The following NAALADL2 variants were observed in gnomAD, a reference collection of about 807,000 sequenced individuals.
NAALADL2 encodes N-acetylated alpha-linked acidic dipeptidase like 2, also known as inactive N-acetylated-alpha-linked acidic dipeptidase-like protein 2.
NAALADL2 carries 76 observed loss-of-function variants against 87.2 expected under a neutral mutation model. The observed-to-expected ratio is 0.87, with a 90% CI of 0.72 to 1.05. NAALADL2 has a LOEUF of 1.05. Among genes scored for constraint, NAALADL2 ranks in the 50% least tolerant of loss-of-function variants. NAALADL2 has a pLI of 0.00. For missense variants in NAALADL2, 1,089 were observed against 945.8 expected, an observed-to-expected ratio of 1.15 and a Z score of -1.99; for synonymous variants, 354 against 331.0, an observed-to-expected ratio of 1.07 and a Z score of -0.75.
chr3:174,441,121 C>T (rs1249731613), intron 1 of NAALADL2: 1 of 152,300 alleles, frequency 6.6e-6, no homozygotes, highest in African/African-American at 2.4e-5. Flanking sequence ...GTCCGTGTCT[C>T]CTTGCTCCTC....
intron 2 of NAALADL2, among the ~76,000 whole-genome samples, chr3:175,108,792 A>G (rs1158338965): frequency 6.6e-6 from 1 of 151,926 alleles, no homozygotes; most frequent in Admixed American, 6.6e-5. Flanking sequence ...ATGCCTTGCT[A>G]TTTCATGTGG....
chr3:175,143,559 A>C (rs1421365840), intron 2 of NAALADL2, among the ~76,000 whole-genome samples: 1 of 151,568 alleles, frequency 6.6e-6, no homozygotes, highest in Non-Finnish European at 1.5e-5. Context: ...GCCAAAAAAA[A>C]AAAAAAAAAA....
intron 1 of NAALADL2, among the ~76,000 whole-genome samples, chr3:174,466,279 T>C (rs912923309): frequency 1.3e-5 from 2 of 151,636 alleles, no homozygotes; most frequent in African/African-American, 4.8e-5. Flanking sequence ...TGAGATTTTT[T>C]TTTTTTTTTT....
intron 4 of NAALADL2, among the ~76,000 whole-genome samples, chr3:175,303,212 CA>C (rs1017039944): frequency 1.4e-4 from 22 of 151,998 alleles, no homozygotes; most frequent in African/African-American, 5.3e-4. Flanking sequence ...TTTTTGGCCC[CA>C]GAAATCATTG....
At chr3:175,075,652 A>G (rs1580314287) in intron 1 of NAALADL2, among the ~76,000 whole-genome samples, 1 of 152,248 alleles carries the variant, frequency 6.6e-6, no homozygotes, top group Non-Finnish European at 1.5e-5. Context: ...TCAACAACAA[A>G]CAAGACTCCT....
intron 1 of NAALADL2, among the ~76,000 whole-genome samples, chr3:175,082,250 A>G (rs1015895439): frequency 6.6e-6 from 1 of 152,148 alleles, no homozygotes; most frequent in Non-Finnish European, 1.5e-5. Context: ...TCTTTAATCT[A>G]TGTATAACAG....
At chr3:175,031,386 T>A in intron 1 of NAALADL2, among the ~76,000 whole-genome samples, 1 of 152,112 alleles carries the variant, frequency 6.6e-6, no homozygotes, top group East Asian at 1.9e-4. Flanking sequence ...TACCTGTTTC[T>A]GCATTAATTC....
chr3:175,789,844 A>G (rs1216108981), intron 13 of NAALADL2, among the ~76,000 whole-genome samples: 1 of 152,174 alleles, frequency 6.6e-6, no homozygotes, highest in African/African-American at 2.4e-5. Flanking sequence ...ACATCTTACA[A>G]AAAGAGCTAA....
intron 2 of NAALADL2, among the ~76,000 whole-genome samples, chr3:174,645,847 T>C (rs1315435399): frequency 6.6e-6 from 1 of 152,170 alleles, no homozygotes; most frequent in Non-Finnish European, 1.5e-5. Context: ...CATGAAATTT[T>C]ATGGATCAAA....
intron 3 of NAALADL2, among the ~76,000 whole-genome samples, chr3:174,778,854 A>C (rs533658733): frequency 2.6e-5 from 4 of 152,290 alleles, no homozygotes; most frequent in African/African-American, 9.6e-5. Flanking sequence ...TATATGTGCC[A>C]CATTTTCTTT....
At chr3:175,332,454 C>T (rs1399905075) in intron 5 of NAALADL2, among the ~76,000 whole-genome samples, 2 of 152,150 alleles carry the variant, frequency 1.3e-5, no homozygotes, top group African/African-American at 4.8e-5. Flanking sequence ...GGATGTGCCA[C>T]CATGCCTGGC....
chr3:175,030,963 A>G (rs535825200), intron 1 of NAALADL2, among the ~76,000 whole-genome samples: 1 of 152,166 alleles, frequency 6.6e-6, no homozygotes, highest in East Asian at 1.9e-4. Context: ...GCACCCTGCA[A>G]GCCATATCAG....
intron 3 of NAALADL2, among the ~76,000 whole-genome samples, chr3:174,807,098 G>T (rs114689523): frequency 6.6e-6 from 1 of 152,180 alleles, no homozygotes; most frequent in Non-Finnish European, 1.5e-5. Flanking sequence ...GTGTATTGCA[G>T]GGTTTCAGCT....
chr3:174,960,470 T>C (rs1285359455), intron 1 of NAALADL2, among the ~76,000 whole-genome samples: 1 of 152,076 alleles, frequency 6.6e-6, no homozygotes, highest in Non-Finnish European at 1.5e-5. Flanking sequence ...ACATTCATCT[T>C]GGACTTACTA....
At chr3:175,107,529 C>A (rs1465299120) in intron 2 of NAALADL2, among the ~76,000 whole-genome samples, 32 of 151,418 alleles carry the variant, frequency 2.1e-4, no homozygotes, top group African/African-American at 4.9e-4. Flanking sequence ...CACACACACA[C>A]ACACAAACAC....
In NAALADL2 at chr3:175,256,538, C is replaced by G; in HGVS notation, c.939+8C>G. On this transcript the variant is annotated splice_region_variant and intron_variant, in intron 4 of 13. Coordinates refer to ENST00000454872, the MANE Select transcript of NAALADL2 (RefSeq NM_207015.3). ...TTGCCACTGCTTTATAAGGTTGGTC[C>G]AGTGAATGTTATTCAGTGGTTTGGT... is the stretch of plus-strand genomic sequence containing the variant. The G allele has an allele frequency of 6.2e-7, 1 of 1,607,226 alleles. No individual in the cohort carries two copies.
At chr3:175,660,440 A>G (rs1007025415) in intron 11 of NAALADL2, among the ~76,000 whole-genome samples, 4 of 152,170 alleles carry the variant, frequency 2.6e-5, no homozygotes, top group African/African-American at 4.8e-5. Flanking sequence ...CATGTACACA[A>G]TGTGTAATAA....
chr3:175,003,310 G>A (rs1210115376), intron 1 of NAALADL2, among the ~76,000 whole-genome samples: 1 of 152,152 alleles, frequency 6.6e-6, no homozygotes, highest in Non-Finnish European at 1.5e-5. Flanking sequence ...TGGAGGCCAG[G>A]AGTTCGAGAC....
chr3:175,367,084 C>T (rs1765694167), intron 5 of NAALADL2, among the ~76,000 whole-genome samples: 1 of 151,062 alleles, frequency 6.6e-6, no homozygotes, highest in Admixed American at 6.6e-5. Context: ...ATATGGCTAG[C>T]CAGTTTTCCC....
Sources: allele counts gnomAD v4.1 joint callset (sites outside exome capture counted in the v4.1 genomes callset), GRCh38; gene constraint gnomAD v4.1.1; transcripts MANE v1.5; gene names NCBI Gene and HGNC (gene_info 2026-07-23, HGNC 2026-07-21).